SCAMP1: variants seen among roughly 807,000 people sequenced by gnomAD.
SCAMP1 encodes the protein secretory carrier-associated membrane protein 1.
In SCAMP1, 15 loss-of-function variants were observed where a neutral mutation model predicts 41.8. The observed-to-expected ratio is 0.36, with a 90% confidence interval of 0.24 to 0.55. The LOEUF (loss-of-function observed/expected upper bound fraction) is 0.55. Ranked by LOEUF, SCAMP1 falls within the 20% of genes least tolerant of loss-of-function variation. The pLI is 0.86. For missense variants in SCAMP1, 341 were observed against 412.6 expected, an observed-to-expected ratio of 0.83 and a Z score of 1.50; for synonymous variants, 135 against 136.8, an observed-to-expected ratio of 0.99 and a Z score of 0.09.
intron 1 of SCAMP1, among the ~76,000 whole-genome samples, chr5:78,380,622 A>T (rs1580649204): frequency 6.6e-6 from 1 of 152,260 alleles, no homozygotes; most frequent in African/African-American, 2.4e-5. Flanking sequence ...ATTGGTTACT[A>T]CTGCTGCTAT....
At chr5:78,373,913 A>C (rs1288223387) in intron 1 of SCAMP1, among the ~76,000 whole-genome samples, 1 of 152,162 alleles carries the variant, frequency 6.6e-6, no homozygotes, top group Non-Finnish European at 1.5e-5. Context: ...TAAAATGGAG[A>C]GCTTGCCAGT....
intron 2 of SCAMP1, among the ~76,000 whole-genome samples, chr5:78,404,589 AT>A (rs1285006215): frequency 2.0e-5 from 3 of 151,000 alleles, no homozygotes; most frequent in Middle Eastern, 3.2e-3. Flanking sequence ...TCAGTCTTTT[AT>A]TGAGTCTATG....
intron 1 of SCAMP1, among the ~76,000 whole-genome samples, chr5:78,373,849 T>G (rs1161235893): frequency 1.3e-5 from 2 of 152,180 alleles, no homozygotes; most frequent in Non-Finnish European, 2.9e-5. Flanking sequence ...GACCTAATGG[T>G]ATAATTTGAA....
chr5:78,387,521 G>C (rs925673304), intron 1 of SCAMP1, among the ~76,000 whole-genome samples: 2 of 151,632 alleles, frequency 1.3e-5, no homozygotes, highest in African/African-American at 4.8e-5. Flanking sequence ...ATCTTTTCGG[G>C]GTGTTAACCT....
intron 6 of SCAMP1, among the ~76,000 whole-genome samples, chr5:78,430,083 CAG>C (rs1752567903): frequency 1.1e-5 from 1 of 95,068 alleles, no homozygotes; most frequent in African/African-American, 4.5e-5. Flanking sequence ...TTTATAAATA[CAG>C]TATTTATTTA....
chr5:78,360,783 A>G (rs1324871525), intron 1 of SCAMP1, 55 bp downstream of exon 1: 5 of 1,527,088 alleles, frequency 3.3e-6, no homozygotes, highest in Non-Finnish European at 4.5e-6. Flanking sequence ...GTTTGTGAAA[A>G]CGGACGAGTT....
intron 8 of SCAMP1, among the ~76,000 whole-genome samples, chr5:78,464,655 C>T (rs958146121): frequency 1.4e-5 from 2 of 139,424 alleles, no homozygotes; most frequent in African/African-American, 5.4e-5. Context: ...GGTGGCAGTG[C>T]GAAGAAGGGC....
chr5:78,375,841 A>G (rs986970176), intron 1 of SCAMP1, among the ~76,000 whole-genome samples: 2 of 152,198 alleles, frequency 1.3e-5, no homozygotes, highest in African/African-American at 4.8e-5. Context: ...AATAAGTTGT[A>G]GTGCCTGGAT....
chr5:78,361,282 A>G (rs1750643421), intron 1 of SCAMP1, among the ~76,000 whole-genome samples: 1 of 152,182 alleles, frequency 6.6e-6, no homozygotes, highest in Admixed American at 6.5e-5. Context: ...GTTGCACCCA[A>G]ATACCACCAG....
chr5:78,416,465 G>T, intron 3 of SCAMP1, 76 bp from the exon 4 acceptor site: 1 of 1,060,480 alleles, frequency 9.4e-7, no homozygotes. Flanking sequence ...TAGTAGAGAA[G>T]TAGGAGTTAG....
At chr5:78,459,220 A>G (rs758468019) in intron 7 of SCAMP1, 25 bp from the exon 8 acceptor site, 5 of 1,073,592 alleles carry the variant, frequency 4.7e-6, no homozygotes, top group Admixed American at 3.6e-5. Context: ...ACTTTTGCCT[A>G]ATTACACTTT....
chr5:78,473,235 T>G (rs545717390), intron 8 of SCAMP1, among the ~76,000 whole-genome samples: 1 of 152,296 alleles, frequency 6.6e-6, no homozygotes, highest in South Asian at 2.1e-4. Context: ...ATATGGCGTT[T>G]GCTTTTACCA....
In SCAMP1 at chr5:78,442,866, T is replaced by C. The variant is rs925885588; in HGVS notation, c.633-7067T>C. Among the ~76,000 whole-genome samples, 314 of 152,130 alleles carry C rather than the reference T, an allele frequency of 2.1e-3. 1 individual carries two copies. The highest frequency in any genetic ancestry group is 7.3e-3 in the African/African-American group (301 of 41,436). ...TGATAATTAAATTTCTTGGAGATGA[T>C]GGAATTGAAATATTATCTTAGAGGT... On this transcript the variant is annotated intron_variant, in intron 6 of 8. Transcript: ENST00000621999.
intron 2 of SCAMP1, among the ~76,000 whole-genome samples, chr5:78,408,492 C>T (rs1751988886): frequency 6.6e-6 from 1 of 152,176 alleles, no homozygotes; most frequent in Non-Finnish European, 1.5e-5. Context: ...GAGGCCACTA[C>T]CAGCCTGAGA....
intron 6 of SCAMP1, among the ~76,000 whole-genome samples, chr5:78,434,593 T>TTA (rs1421735849): frequency 6.6e-6 from 1 of 152,052 alleles, no homozygotes; most frequent in Non-Finnish European, 1.5e-5. Context: ...TAAAAGCACT[T>TTA]TAGTTTTTCT....
chr5:78,464,592 A>G (rs1012502925), intron 8 of SCAMP1, among the ~76,000 whole-genome samples: 2 of 152,038 alleles, frequency 1.3e-5, no homozygotes, highest in Non-Finnish European at 2.9e-5. Context: ...AACCCCAACA[A>G]ATTGGCACTC....
At chr5:78,455,506 C>A (rs1253377545) in intron 7 of SCAMP1, among the ~76,000 whole-genome samples, 2 of 130,172 alleles carry the variant, frequency 1.5e-5, no homozygotes, top group African/African-American at 6.0e-5. Flanking sequence ...GAGTGAGATT[C>A]TTAATCCTGA....
At chr5:78,391,765 A>G (rs58964642) in intron 2 of SCAMP1, among the ~76,000 whole-genome samples, 97,491 of 152,140 alleles carry the variant, frequency 0.64, 32,409 homozygotes, top group Admixed American at 0.72. Context: ...GGCACCTCAG[A>G]AGGCCGAGGC....
At position 78,435,956 on chromosome 5, in the gene SCAMP1, T is replaced by C. The variant is rs540314752; in HGVS notation, c.633-13977T>C. ...GATGGTATCTCATTGTGGTTTTGATTTGCATTTCTCTGATGACCAGTGATG... is the reference window on the plus strand; with the variant it reads ...GATGGTATCTCATTGTGGTTTTGATCTGCATTTCTCTGATGACCAGTGATG... On this transcript the variant is annotated intron_variant, in intron 6 of 8. Coordinates refer to ENST00000621999, the MANE Select transcript of SCAMP1 (RefSeq NM_004866.6). Among the ~76,000 whole-genome samples, 291 of 152,354 alleles carry C rather than the reference T, an allele frequency of 1.9e-3. 1 individual carries two copies. The highest frequency in any genetic ancestry group is 6.2e-3 in the African/African-American group (259 of 41,586).
Sources: allele counts gnomAD v4.1 joint callset (sites outside exome capture counted in the v4.1 genomes callset), GRCh38; gene constraint gnomAD v4.1.1; transcripts MANE v1.5; gene names NCBI Gene and HGNC (gene_info 2026-07-23, HGNC 2026-07-21).